Variants in LRRTM4 observed in about 807,000 individuals in gnomAD.
LRRTM4 encodes leucine rich repeat transmembrane neuronal 4.
In LRRTM4, 25 loss-of-function variants were observed where a neutral mutation model predicts 47.6. That is an observed-to-expected ratio of 0.53 (90% CI 0.38 to 0.73). The LOEUF is 0.73. Ranked by LOEUF, LRRTM4 falls within the 30% of genes least tolerant of loss-of-function variation. The pLI is 0.00. For synonymous variants in LRRTM4, 311 were observed against 269.5 expected (o/e 1.15, Z -1.51); for missense variants, 638 against 713.4 (o/e 0.89, Z 1.20).
chr2:77,471,397 C>A (rs114208256), intron 3 of LRRTM4, among the ~76,000 whole-genome samples: 2,263 of 152,172 alleles, frequency 0.015, 34 homozygotes, highest in Middle Eastern at 0.031. Flanking sequence ...TAACAATAGC[C>A]TCCTAAATGT....
chr2:77,072,843 T>G (rs1680206014), intron 3 of LRRTM4, among the ~76,000 whole-genome samples: 1 of 150,792 alleles, frequency 6.6e-6, no homozygotes, highest in Non-Finnish European at 1.5e-5. Flanking sequence ...CCTTACAGTT[T>G]CCAAGGTTTG....
chr2:77,273,183 A>AT (rs1421993832), intron 3 of LRRTM4, among the ~76,000 whole-genome samples: 5 of 152,082 alleles, frequency 3.3e-5, no homozygotes, highest in African/African-American at 4.8e-5. Flanking sequence ...AAGTTGCTAC[A>AT]TTTTTTTCTG....
At chr2:77,484,216 G>A (rs374033936) in intron 3 of LRRTM4, among the ~76,000 whole-genome samples, 1 of 152,232 alleles carries the variant, frequency 6.6e-6, no homozygotes, top group Non-Finnish European at 1.5e-5. Context: ...TGGCCACTGG[G>A]TAACTAAGCA....
chr2:77,209,435 A>G (rs1369245336), intron 3 of LRRTM4, among the ~76,000 whole-genome samples: 1 of 152,054 alleles, frequency 6.6e-6, no homozygotes, highest in Non-Finnish European at 1.5e-5. Context: ...AGAAAAAAAA[A>G]AAAACAAAAA....
At chr2:77,109,309 T>C (rs1671184031) in intron 3 of LRRTM4, among the ~76,000 whole-genome samples, 1 of 152,130 alleles carries the variant, frequency 6.6e-6, no homozygotes, top group Non-Finnish European at 1.5e-5. Flanking sequence ...TTGTAAATAG[T>C]TGGAATGTGA....
intron 3 of LRRTM4, among the ~76,000 whole-genome samples, chr2:76,787,071 G>C (rs1009790609): frequency 6.6e-6 from 1 of 151,914 alleles, no homozygotes; most frequent in South Asian, 2.1e-4. Context: ...TTCCCACTTT[G>C]TTATTAATAT....
In LRRTM4 at chr2:76,900,005, G is replaced by A. The variant is rs567223829; in HGVS notation, c.1552-151089C>T. On this transcript the variant is annotated intron_variant, in intron 3 of 3. Transcript: ENST00000409884. ...GCACTTTGGGGGGCCAAAGTGGGTG[G>A]ATCACTTGAGGATAGGAGTTTGAGA... 1.9e-4 allele frequency among the ~76,000 whole-genome samples: 29 copies of A among 152,238 alleles called. 1 individual carries two copies. In the South Asian group the frequency reaches 5.8e-3, roughly 30 times the overall value.
At chr2:77,101,256 G>GT (rs1670945562) in intron 3 of LRRTM4, among the ~76,000 whole-genome samples, 1 of 152,230 alleles carries the variant, frequency 6.6e-6, no homozygotes, top group South Asian at 2.1e-4. Context: ...TATAGGGTTG[G>GT]TAAATAAAGC....
chr2:77,395,769 A>C (rs1673676851), intron 3 of LRRTM4, among the ~76,000 whole-genome samples: 1 of 152,002 alleles, frequency 6.6e-6, no homozygotes, highest in Admixed American at 6.6e-5. Context: ...CTATGCTTTA[A>C]GTCCACTGGA....
At chr2:77,391,915 C>T (rs377009642) in intron 3 of LRRTM4, among the ~76,000 whole-genome samples, 99 of 152,012 alleles carry the variant, frequency 6.5e-4, no homozygotes, top group Middle Eastern at 3.4e-3. Flanking sequence ...GACTCTGGTA[C>T]GGCAACATAT....
chr2:77,017,181 A>T (rs1369103866), intron 3 of LRRTM4, among the ~76,000 whole-genome samples: 1 of 152,194 alleles, frequency 6.6e-6, no homozygotes, highest in Admixed American at 6.5e-5. Context: ...GGCCACAGAG[A>T]TAAAGTGTGA....
At chr2:77,400,490 T>C (rs1021550988) in intron 3 of LRRTM4, among the ~76,000 whole-genome samples, 1 of 151,874 alleles carries the variant, frequency 6.6e-6, no homozygotes, top group African/African-American at 2.4e-5. Context: ...CCAAAGTATT[T>C]ACCTGGATAA....
Position 77,228,533 on chromosome 2 carries a change from A to G in LRRTM4, c.1551+289785T>C, listed in dbSNP as rs144899265. Among the ~76,000 whole-genome samples, 424 of 152,270 alleles carry G rather than the reference A, an allele frequency of 2.8e-3. 3 individuals carry two copies. Among genetic ancestry groups the G allele is most frequent in the African/African-American group, 9.7e-3 (403 of 41,566 alleles). On this transcript the variant is annotated intron_variant, in intron 3 of 3. Transcript: ENST00000409884. ...CCAGTGGAGAGTCTGAAGCTTTTCC[A>G]ACCATGTCTCCTCATGTTTGTGGGA...
At chr2:77,252,337 G>T (rs1434105563) in intron 3 of LRRTM4, among the ~76,000 whole-genome samples, 2 of 152,106 alleles carry the variant, frequency 1.3e-5, no homozygotes, top group Non-Finnish European at 2.9e-5. Context: ...GATTTGCTAG[G>T]CAAAGAGGTT....
At chr2:77,156,371 GAAATA>G (rs1672560933) in intron 3 of LRRTM4, among the ~76,000 whole-genome samples, 1 of 148,782 alleles carries the variant, frequency 6.7e-6, no homozygotes, top group Admixed American at 6.7e-5. Context: ...AGAATTTCTA[GAAATA>G]AAATGAAATA....
At chr2:76,964,915 C>A (rs1675974948) in intron 3 of LRRTM4, among the ~76,000 whole-genome samples, 1 of 150,720 alleles carries the variant, frequency 6.6e-6, no homozygotes, top group East Asian at 2.0e-4. Flanking sequence ...CAACAAACAA[C>A]TCTATACCCA....
intron 3 of LRRTM4, among the ~76,000 whole-genome samples, chr2:76,753,843 G>A (rs190848266): frequency 2.2e-4 from 34 of 152,226 alleles, no homozygotes; most frequent in Non-Finnish European, 2.2e-4. Flanking sequence ...TTGAAGTTCA[G>A]TTTTGTTATG....
chr2:76,788,743 A>G (rs1674815710), intron 3 of LRRTM4, among the ~76,000 whole-genome samples: 1 of 152,216 alleles, frequency 6.6e-6, no homozygotes. Context: ...GATTTCAGAA[A>G]GAAGACCCTG....
chr2:77,393,576 C>T (rs1352759505), intron 3 of LRRTM4, among the ~76,000 whole-genome samples: 2 of 151,908 alleles, frequency 1.3e-5, no homozygotes. Context: ...TATGTTTTAT[C>T]CGGAAGGCTC....
Sources: gnomAD v4.1 joint callset for allele counts (sites outside exome capture counted in the v4.1 genomes callset) on GRCh38, gnomAD v4.1.1 for gene constraint, MANE v1.5 for transcripts, NCBI Gene and HGNC (gene_info 2026-07-23, HGNC 2026-07-21) for gene names.